Variants in NAV1 observed in about 807,000 individuals in gnomAD.
NAV1 encodes pore membrane and/or filament interacting like protein 3.
Under a neutral mutation model 175.2 loss-of-function variants are expected in NAV1, and 18 were observed. The ratio of observed to expected loss-of-function variants is 0.10; its 90% CI spans 0.07 to 0.15. The LOEUF (loss-of-function observed/expected upper bound fraction) is 0.15. Among genes scored for constraint, NAV1 ranks in the 10% least tolerant of loss-of-function variants. NAV1 has a pLI of 1.00. For synonymous variants in NAV1, 897 were observed against 978.7 expected, an observed-to-expected ratio of 0.92 and a Z score of 1.56; for missense variants, 1,731 against 2,436.6, an observed-to-expected ratio of 0.71 and a Z score of 6.10.
intron 3 of NAV1, among the ~76,000 whole-genome samples, chr1:201,776,630 G>A (rs753726132): frequency 3.3e-5 from 4 of 122,482 alleles, no homozygotes; most frequent in Non-Finnish European, 4.8e-5. Context: ...GACAGAGCAA[G>A]ACTCCATCTC....
At chr1:201,595,659 T>A (rs1211265174) in intron 2 of NAV1, among the ~76,000 whole-genome samples, 1 of 152,250 alleles carries the variant, frequency 6.6e-6, no homozygotes, top group Non-Finnish European at 1.5e-5. Context: ...GCAAGTGGGC[T>A]GGGTCTGGGA....
At chr1:201,803,370 G>T (rs1678063028) in intron 15 of NAV1, among the ~76,000 whole-genome samples, 1 of 152,122 alleles carries the variant, frequency 6.6e-6, no homozygotes, top group Admixed American at 6.5e-5. Flanking sequence ...CTTGAGAAAA[G>T]GAATCATTTC....
intron 3 of NAV1, among the ~76,000 whole-genome samples, chr1:201,721,538 C>T (rs1672384979): frequency 6.6e-6 from 1 of 152,274 alleles, no homozygotes; most frequent in Non-Finnish European, 1.5e-5. Flanking sequence ...TTGGTCTTCT[C>T]ATCCCCACTG....
At chr1:201,721,511 C>T (rs1418015461) in intron 3 of NAV1, among the ~76,000 whole-genome samples, 5 of 152,234 alleles carry the variant, frequency 3.3e-5, no homozygotes, top group African/African-American at 1.2e-4. Context: ...CCTGAGCTGT[C>T]GTTGCTCAGC....
At chr1:201,642,619 C>T (rs989205548) in intron 2 of NAV1, among the ~76,000 whole-genome samples, 15 of 145,416 alleles carry the variant, frequency 1.0e-4, no homozygotes, top group African/African-American at 3.6e-4. Flanking sequence ...ACCTTCCTTC[C>T]CTTTCCTTTT....
upstream of NAV1, among the ~76,000 whole-genome samples, chr1:201,619,812 A>G (rs674085): frequency 0.35 from 53,389 of 152,210 alleles, 13,659 homozygotes; most frequent in African/African-American, 0.72. Flanking sequence ...CCAGGCCTAG[A>G]CCATGGGCAG....
chr1:201,739,679 G>C (rs534049461), intron 3 of NAV1: 3 of 685,378 alleles, frequency 4.4e-6, no homozygotes, highest in Non-Finnish European at 5.6e-6. Context: ...AGCCCCGTCG[G>C]CACCTCCAGG....
At chr1:201,642,205 C>CCTTCCTTCCTTCCTTCT (rs1668786703) in intron 2 of NAV1, among the ~76,000 whole-genome samples, 1 of 118,490 alleles carries the variant, frequency 8.4e-6, no homozygotes, top group African/African-American at 3.6e-5. Context: ...TTCTTCCTTT[C>CCTTCCTTCCTTCCTTCT]TTCCTTCCCT....
intron 14 of NAV1, 33 bp downstream of exon 18, chr1:201,793,908 G>GGGGGTGGGT: frequency 2.0e-6 from 1 of 492,388 alleles, no homozygotes; most frequent in Non-Finnish European, 4.1e-6. Flanking sequence ...GGAGGGGTGG[G>GGGGGTGGGT]TGCGGCGAGG....
chr1:201,584,635 G>A (rs928611546), intron 1 of NAV1, among the ~76,000 whole-genome samples: 4 of 152,170 alleles, frequency 2.6e-5, no homozygotes, highest in African/African-American at 7.2e-5. Context: ...CAGAGCCCAC[G>A]GCAGCCTTAT....
At chr1:201,785,802 T>TTTC (rs1201822285) in intron 8 of NAV1, among the ~76,000 whole-genome samples, 5 of 145,422 alleles carry the variant, frequency 3.4e-5, no homozygotes, top group Non-Finnish European at 6.0e-5. Context: ...TTTTTTTTTT[T>TTTC]TTTTTTTTGA....
At chr1:201,755,559 A>T (rs1467047227) in intron 3 of NAV1, among the ~76,000 whole-genome samples, 1 of 152,252 alleles carries the variant, frequency 6.6e-6, no homozygotes, top group South Asian at 2.1e-4. Flanking sequence ...GGCTATCAAC[A>T]TTGCTGCAGG....
intron 1 of NAV1, among the ~76,000 whole-genome samples, chr1:201,660,167 A>C (rs1477546086): frequency 1.3e-5 from 2 of 152,140 alleles, no homozygotes; most frequent in East Asian, 3.8e-4. Context: ...AGAGAGTCAC[A>C]ACAGCAGGGA....
chr1:201,702,212 C>T (rs2102444618), intron 1 of NAV1, among the ~76,000 whole-genome samples: 1 of 152,118 alleles, frequency 6.6e-6, no homozygotes. Flanking sequence ...TTGGTGGTTG[C>T]CAGGAGTTGG....
At chr1:201,771,572 A>G (rs1274014661) in intron 3 of NAV1, among the ~76,000 whole-genome samples, 1 of 151,980 alleles carries the variant, frequency 6.6e-6, no homozygotes, top group African/African-American at 2.4e-5. Flanking sequence ...ATGACAGGCT[A>G]GACTGACTCA....
chr1:201,649,306 G>C, exon 1 of NAV1: 1 of 1,612,940 alleles, frequency 6.2e-7, no homozygotes, highest in East Asian at 2.2e-5. Context: ...GCGCAAAAGA[G>C]CTCTGGGCCT....
chr1:201,554,238 G>A lies in NAV1; in HGVS notation c.-144+14896G>A, dbSNP rs375481025. Among the ~76,000 whole-genome samples, 14 of 152,322 alleles carry A rather than the reference G, an allele frequency of 9.2e-5. No individual in the cohort carries two copies. In the East Asian group the frequency reaches 1.9e-3, roughly 21 times the overall value. Reference sequence around the variant, plus strand: ...CAGGGGTGTCTGGCCCTGCATGTGGGAAACACAGGTCCACGTGCAAGACTG... The same window carrying A: ...CAGGGGTGTCTGGCCCTGCATGTGGAAAACACAGGTCCACGTGCAAGACTG... On this transcript the variant is annotated intron_variant, in intron 1 of 33. Coordinates refer to the NAV1 transcript ENST00000685211.
At chr1:201,768,010 T>C (rs1168948524) in intron 3 of NAV1, among the ~76,000 whole-genome samples, 1 of 152,226 alleles carries the variant, frequency 6.6e-6, no homozygotes, top group African/African-American at 2.4e-5. Context: ...TGGATTTTTG[T>C]AACTTGGTCT....
intron 1 of NAV1, among the ~76,000 whole-genome samples, chr1:201,671,873 A>C (rs1398881973): frequency 6.6e-6 from 1 of 152,196 alleles, no homozygotes; most frequent in Non-Finnish European, 1.5e-5. Flanking sequence ...GTTAAACCTT[A>C]AAAGAGAGGC....
Sources: allele counts gnomAD v4.1 joint callset (sites outside exome capture counted in the v4.1 genomes callset), GRCh38; gene constraint gnomAD v4.1.1; transcripts MANE v1.5; gene names NCBI Gene and HGNC (gene_info 2026-07-23, HGNC 2026-07-21).